SULT1A2: variants seen among roughly 807,000 people sequenced by gnomAD.
The protein encoded by SULT1A2 is sulfotransferase family 1A member 2.
A neutral mutation model predicts 36.0 loss-of-function variants in SULT1A2; 33 were observed. That is an observed-to-expected ratio of 0.92 (90% CI 0.69 to 1.22). SULT1A2 has a LOEUF of 1.22. Among genes scored for constraint, SULT1A2 ranks in the 50% most tolerant of loss-of-function variants. The pLI is 0.00. For missense variants in SULT1A2, 367 were observed against 383.2 expected, an observed-to-expected ratio of 0.96 and a Z score of 0.35; for synonymous variants, 138 against 144.5, an observed-to-expected ratio of 0.96 and a Z score of 0.32.
In SULT1A2 at chr16:28,595,943, G is replaced by T; in HGVS notation, c.-4-9C>A. ...GGATCAGCTCCATGTTCCTGCGTCA[G>T]GGGCCAGAGCCAGGCCCGTTCCCTT... On this transcript the variant is annotated splice_polypyrimidine_tract_variant and intron_variant, in intron 1 of 7. Transcript: ENST00000335715. 1 of 1,602,930 alleles carries T rather than the reference G, an allele frequency of 6.2e-7. No individual in the cohort carries two copies. The highest frequency in any genetic ancestry group is 1.3e-5 in the African/African-American group (1 of 74,842).
rs1395398819 is a variant in SULT1A2 at position 28,592,504 on chromosome 16, G to A, written c.595-61C>T. On this transcript the variant is annotated intron_variant, in intron 6 of 7. Coordinates refer to ENST00000335715, the MANE Select transcript of SULT1A2 (RefSeq NM_001054.4). ...TTGCTGATTCAGGAAAATAAAAGGG[G>A]TCCACTTCTCTAACCTCAGAGGGGA... is the stretch of plus-strand genomic sequence containing the variant. 6 of 1,612,414 alleles carry A rather than the reference G, an allele frequency of 3.7e-6. No homozygotes were observed. In the South Asian group the frequency reaches 6.6e-5, roughly 18 times the overall value.
intron 4 of SULT1A2, among the ~76,000 whole-genome samples, chr16:28,594,110 G>GT (rs1038439060): frequency 2.7e-5 from 4 of 148,706 alleles, no homozygotes; most frequent in African/African-American, 7.4e-5. Flanking sequence ...TTTTTTTTGG[G>GT]GGGGGGGACT....
chr16:28,593,563 G>A lies in SULT1A2; in HGVS notation c.378C>T (p.Val126=). Residue 126 remains valine, a synonymous_variant, in exon 5 of 8, where the codon GTC becomes GTT. Transcript: ENST00000335715. ...QTLLDQKVKV[V]YVARNAKDVA... ...CATCCTTTGCGTTGCGGGCAACATAGACCACCTGCAGGGGCAGAAGACTCA... is the reference window on the plus strand; with the variant it reads ...CATCCTTTGCGTTGCGGGCAACATAAACCACCTGCAGGGGCAGAAGACTCA... The A allele has an allele frequency of 6.2e-7, 1 of 1,614,124 alleles. No individual in the cohort carries two copies. Among genetic ancestry groups the A allele is most frequent in the Non-Finnish European group, 8.5e-7 (1 of 1,180,018 alleles).
At chr16:28,595,039 T>A (rs2151665076) in intron 4 of SULT1A2, among the ~76,000 whole-genome samples, 1 of 152,220 alleles carries the variant, frequency 6.6e-6, no homozygotes, top group South Asian at 2.1e-4. Flanking sequence ...TGCCTCAGCC[T>A]CTTCAAGTGC....
Position 28,593,558 on chromosome 16 carries a change from A to G in SULT1A2, c.383T>C (p.Val128Ala). The G allele has an allele frequency of 6.2e-7, 1 of 1,614,136 alleles. No homozygotes were observed. The highest frequency in any genetic ancestry group is 1.1e-5 in the South Asian group (1 of 91,084). ...LLDQKVKVVY[V>A]ARNAKDVAVS... ...CGCCACATCCTTTGCGTTGCGGGCA[A>G]CATAGACCACCTGCAGGGGCAGAAG... Residue 128 changes from valine to alanine, a missense_variant, in exon 5 of 8, where the codon GTT becomes GCT. Val to Ala is a moderately conservative substitution (Grantham distance 64). Coordinates refer to ENST00000335715, the MANE Select transcript of SULT1A2 (RefSeq NM_001054.4).
chr16:28,596,060 G>A (rs1697021), intron 1 of SULT1A2, 126 bp from the exon 2 acceptor site: 222 of 1,563,658 alleles, frequency 1.4e-4, no homozygotes, highest in African/African-American at 7.2e-4. Context: ...GCACTCACAA[G>A]GCCAGTCAGT....
chr16:28,592,922 G>C (rs1006682302), intron 6 of SULT1A2, among the ~76,000 whole-genome samples: 4 of 152,140 alleles, frequency 2.6e-5, no homozygotes, highest in African/African-American at 7.2e-5. Flanking sequence ...TGAGGCAGGA[G>C]AATCACTTGA....
chr16:28,594,664 G>A (rs781160849), intron 4 of SULT1A2, among the ~76,000 whole-genome samples: 1 of 151,240 alleles, frequency 6.6e-6, no homozygotes, highest in Non-Finnish European at 1.5e-5. Flanking sequence ...TGTTGGCCAG[G>A]CTGATCTCAA....
chr16:28,593,396 C>CCACCA, intron 5 of SULT1A2, 46 bp downstream of exon 5: 1 of 1,614,174 alleles, frequency 6.2e-7, no homozygotes, highest in African/African-American at 1.3e-5. Context: ...TGCGTTGTAG[C>CCACCA]CACCACCCCT....
At chr16:28,593,838 T>A (rs576505747) in intron 4 of SULT1A2, among the ~76,000 whole-genome samples, 8 of 152,290 alleles carry the variant, frequency 5.3e-5, no homozygotes, top group South Asian at 2.1e-4. Context: ...ACCAGGCATG[T>A]TCCCACCACC....
In SULT1A2 at chr16:28,592,291, G is replaced by T. The variant is rs1464568613; in HGVS notation, c.747C>A (p.Asp249Glu). The T allele has an allele frequency of 3.1e-6, 5 of 1,613,858 alleles. No individual in the cohort carries two copies. Among genetic ancestry groups the T allele is most frequent in the Non-Finnish European group, 3.4e-6 (4 of 1,179,884 alleles). The change falls in exon 7 of 8, where the codon GAC (aspartate) becomes GAA (glutamate). Residue 249 changes from aspartate to glutamate, a missense_variant. By Grantham distance (45) the Asp-to-Glu change is conservative (BLOSUM62 2). Coordinates refer to ENST00000335715, the MANE Select transcript of SULT1A2 (RefSeq NM_001054.4). ...NYTTVRREFM[D>E]HSISPFMRKG... ...TCCTCATGAAGGGGGAGATGCTGTGGTCCATGAACTCCCGGCGGACGGTGG... is the reference window on the plus strand; with the variant it reads ...TCCTCATGAAGGGGGAGATGCTGTGTTCCATGAACTCCCGGCGGACGGTGG...
chr16:28,596,099 G>T (rs2047057339), intron 1 of SULT1A2, 165 bp from the exon 2 acceptor site: 1 of 1,487,428 alleles, frequency 6.7e-7, no homozygotes, highest in Non-Finnish European at 9.0e-7. Flanking sequence ...AACCAGGTCG[G>T]GCTCTAATGT....
At position 28,591,965 on chromosome 16, in the gene SULT1A2, T is replaced by C; in HGVS notation, c.*63A>G. On this transcript the variant is annotated 3_prime_UTR_variant, in exon 8 of 8. Transcript: ENST00000335715. ...GCATTGAACACAAATCATACTTTAT[T>C]CTGGAGCCTCTTGGTCAGGCTTGAT... is the stretch of plus-strand genomic sequence containing the variant. 4.3e-6 allele frequency: 7 copies of C among 1,611,192 alleles called. No individual in the cohort carries two copies. The South Asian group carries it at 7.7e-5, about 18-fold the overall frequency.
At chr16:28,596,032 A>G (rs2047056733) in intron 1 of SULT1A2, 98 bp from the exon 2 acceptor site, 2 of 1,575,428 alleles carry the variant, frequency 1.3e-6, no homozygotes, top group African/African-American at 2.7e-5. Flanking sequence ...AGGCCTAGGG[A>G]GGCTGAGTGA....
intron 7 of SULT1A2, 50 bp from the exon 8 acceptor site, chr16:28,592,190 C>T (rs757259534): frequency 1.2e-6 from 2 of 1,613,372 alleles, no homozygotes; most frequent in Non-Finnish European, 8.5e-7. Flanking sequence ...CCAGGGGAGG[C>T]CCCGAGTGCC....
chr16:28,595,098 C>A (rs1446450145), intron 4 of SULT1A2, among the ~76,000 whole-genome samples: 8 of 151,912 alleles, frequency 5.3e-5, no homozygotes, highest in Admixed American at 5.3e-4. Context: ...TCTTTCTATT[C>A]ATCGTTTTTT....
chr16:28,596,504 T>C, intron 1 of SULT1A2: 1 of 540,482 alleles, frequency 1.9e-6, no homozygotes, highest in Non-Finnish European at 2.6e-6. Flanking sequence ...ACTGAGCTGG[T>C]ATTGGGGGCC....
chr16:28,595,279 T>C lies in SULT1A2; in HGVS notation c.372+88A>G, dbSNP rs1567296752. The C allele has an allele frequency of 1.4e-5, 21 of 1,545,886 alleles. No individual in the cohort carries two copies. The East Asian group carries it at 1.8e-4, about 13-fold the overall frequency. On this transcript the variant is annotated intron_variant, in intron 4 of 7. Transcript: ENST00000335715. ...AAGTTTTTTTTTTGGAAGAGACTTA[T>C]CTGGAACTTCTGGCTTCAAGGGATC... is the stretch of plus-strand genomic sequence containing the variant.
In SULT1A2 at chr16:28,595,785, G is replaced by T; in HGVS notation, c.146C>A (p.Ser49Tyr). 6.2e-7 allele frequency: 1 copy of T among 1,612,934 alleles called. No individual in the cohort carries two copies. Among genetic ancestry groups the T allele is most frequent in the Non-Finnish European group, 8.5e-7 (1 of 1,179,446 alleles). ...DDLLISTYPK[S>Y]GTTWVSQILD... The stretch of plus-strand genomic sequence containing the variant: ...GGTGGGTGGCCCTCCTCACCTACCG[G>T]ACTTGGGGTAGGTGCTGATGAGCAG... Residue 49 changes from serine (S) to tyrosine (Y), a missense_variant and splice_region_variant, in exon 2 of 8, where the codon TCC becomes TAC. By Grantham distance (144) the Ser-to-Tyr change is moderately radical (BLOSUM62 -2). Transcript: ENST00000335715.
Sources: allele counts gnomAD v4.1 joint callset (sites outside exome capture counted in the v4.1 genomes callset), GRCh38; gene constraint gnomAD v4.1.1; transcripts MANE v1.5; gene names NCBI Gene and HGNC (gene_info 2026-07-23, HGNC 2026-07-21).